MEIS1: variants seen among roughly 807,000 people sequenced by gnomAD.
The protein encoded by MEIS1 is homeobox protein Meis1.
Under a neutral mutation model 50.8 loss-of-function variants are expected in MEIS1, and 5 were observed. The ratio of observed to expected loss-of-function variants is 0.10; its 90% CI spans 0.05 to 0.21. The LOEUF (loss-of-function observed/expected upper bound fraction) is 0.21. MEIS1 is among the 10% of genes least tolerant of loss of function. The pLI, the probability that MEIS1 is intolerant of heterozygous loss-of-function variation, is 1.00. For synonymous variants in MEIS1, 176 were observed against 179.3 expected, an observed-to-expected ratio of 0.98 and a Z score of 0.15; for missense variants, 318 against 517.3, an observed-to-expected ratio of 0.61 and a Z score of 3.74.
chr2:66,522,074 A>C (rs1674136015), intron 8 of MEIS1, among the ~76,000 whole-genome samples: 1 of 152,228 alleles, frequency 6.6e-6, no homozygotes, highest in Non-Finnish European at 1.5e-5. Context: ...TTTAAAGGAA[A>C]ACGCCTAATA....
At chr2:66,468,255 C>A (rs1050359184) in intron 7 of MEIS1, among the ~76,000 whole-genome samples, 6 of 152,104 alleles carry the variant, frequency 3.9e-5, no homozygotes, top group African/African-American at 1.4e-4. Flanking sequence ...ACTCTAGGAA[C>A]TGTGTGTTTT....
intron 9 of MEIS1, among the ~76,000 whole-genome samples, chr2:66,559,307 C>G (rs1026378974): frequency 6.6e-6 from 1 of 152,212 alleles, no homozygotes; most frequent in Admixed American, 6.5e-5. Flanking sequence ...ATGCATCCCA[C>G]TTTCCTGGGA....
chr2:66,441,011 A>T (rs1671965717), intron 4 of MEIS1: 1 of 331,738 alleles, frequency 3.0e-6, no homozygotes, highest in Non-Finnish European at 5.4e-6. Context: ...GAAAGGTGTA[A>T]GGAAGGCAGC....
chr2:66,515,059 G>A (rs1039028474), intron 8 of MEIS1, among the ~76,000 whole-genome samples: 2 of 152,088 alleles, frequency 1.3e-5, no homozygotes, highest in Non-Finnish European at 2.9e-5. Flanking sequence ...AATTCATTAG[G>A]AAGACTGTAC....
chr2:66,528,285 G>A (rs866936326), intron 8 of MEIS1, among the ~76,000 whole-genome samples: 18 of 152,194 alleles, frequency 1.2e-4, no homozygotes, highest in African/African-American at 3.6e-4. Context: ...AAGGAGAGAC[G>A]AACAGACAGA....
At chr2:66,563,650 G>A (rs565909993) in intron 9 of MEIS1, among the ~76,000 whole-genome samples, 1 of 152,152 alleles carries the variant, frequency 6.6e-6, no homozygotes, top group Non-Finnish European at 1.5e-5. Context: ...AGGTCAAAGG[G>A]CATTTTAGAA....
intron 6 of MEIS1, among the ~76,000 whole-genome samples, chr2:66,456,868 C>G (rs753614834): frequency 1.6e-4 from 25 of 152,318 alleles, no homozygotes; most frequent in Admixed American, 2.6e-4. Context: ...GCAATTGCCT[C>G]TCTGCATTTT....
chr2:66,456,792 C>T (rs1259733161), intron 6 of MEIS1, among the ~76,000 whole-genome samples: 6 of 152,170 alleles, frequency 3.9e-5, no homozygotes, highest in Admixed American at 1.3e-4. Context: ...GGCCTCTCTG[C>T]CAAAGATGAG....
At chr2:66,557,418 A>G (rs767270890) in intron 9 of MEIS1, among the ~76,000 whole-genome samples, 1 of 152,122 alleles carries the variant, frequency 6.6e-6, no homozygotes, top group Non-Finnish European at 1.5e-5. Context: ...CCCTTTAGCT[A>G]TTGCCCCTCT....
chr2:66,477,530 G>C (rs775731829), intron 7 of MEIS1, among the ~76,000 whole-genome samples: 1 of 152,170 alleles, frequency 6.6e-6, no homozygotes, highest in Non-Finnish European at 1.5e-5. Context: ...AGGATGGCTT[G>C]CAGAAATCCT....
At chr2:66,475,089 C>T (rs938267183) in intron 7 of MEIS1, among the ~76,000 whole-genome samples, 2 of 149,304 alleles carry the variant, frequency 1.3e-5, no homozygotes, top group Non-Finnish European at 3.0e-5. Context: ...TACTTTAATA[C>T]CTTGGGAGAA....
intron 9 of MEIS1, among the ~76,000 whole-genome samples, chr2:66,564,861 A>C (rs189649039): frequency 1.3e-5 from 2 of 151,192 alleles, no homozygotes; most frequent in African/African-American, 2.4e-5. Context: ...TCCTAATGCT[A>C]TCCCTTCCCC....
At chr2:66,525,902 C>G (rs935334346) in intron 8 of MEIS1, among the ~76,000 whole-genome samples, 1 of 152,262 alleles carries the variant, frequency 6.6e-6, no homozygotes, top group Non-Finnish European at 1.5e-5. Flanking sequence ...TGCAGAGGCT[C>G]TGCAGATCAG....
At chr2:66,501,693 G>T (rs183688017) in intron 7 of MEIS1, among the ~76,000 whole-genome samples, 1 of 151,584 alleles carries the variant, frequency 6.6e-6, no homozygotes, top group Non-Finnish European at 1.5e-5. Flanking sequence ...ATTTCCTGGT[G>T]TATGTTGTAT....
Position 66,512,345 on chromosome 2 carries a change from GT to G in MEIS1, c.888+56del, listed in dbSNP as rs1173927631. ...TAAACTAAATATGGACAATGAACCAGTTTTTATACAAAAAAATGAGAAAAAA... is the reference window on the plus strand; with the variant it reads ...TAAACTAAATATGGACAATGAACCAGTTTTATACAAAAAAATGAGAAAAAA... On this transcript the variant is annotated intron_variant, in intron 8 of 12. Transcript: ENST00000272369. 41 of 1,534,464 alleles carry G rather than the reference GT, an allele frequency of 2.7e-5. No homozygotes were observed. The Admixed American group carries it at 8.2e-4, about 31-fold the overall frequency.
intron 7 of MEIS1, among the ~76,000 whole-genome samples, chr2:66,506,199 A>T (rs369017735): frequency 6.6e-6 from 1 of 152,132 alleles, no homozygotes; most frequent in African/African-American, 2.4e-5. Context: ...GAGTGTTAGG[A>T]TGGAGGAATG....
intron 8 of MEIS1, among the ~76,000 whole-genome samples, chr2:66,521,418 C>G (rs1303433532): frequency 6.7e-6 from 1 of 149,956 alleles, no homozygotes. Flanking sequence ...CTTTAATTTT[C>G]TTTATGGAGA....
chr2:66,439,263 G>A (rs898699461), intron 2 of MEIS1: 26 of 1,057,628 alleles, frequency 2.5e-5, no homozygotes, highest in African/African-American at 6.7e-5. Context: ...GCGTGGAGCT[G>A]AGGAGGAGCC....
At chr2:66,454,143 T>G (rs748841871) in intron 6 of MEIS1, among the ~76,000 whole-genome samples, 6 of 152,036 alleles carry the variant, frequency 3.9e-5, no homozygotes, top group Non-Finnish European at 5.9e-5. Context: ...TAAATAAAAG[T>G]GCATCTAAAA....
Sources: allele counts gnomAD v4.1 joint callset (sites outside exome capture counted in the v4.1 genomes callset), GRCh38; gene constraint gnomAD v4.1.1; transcripts MANE v1.5; gene names NCBI Gene and HGNC (gene_info 2026-07-23, HGNC 2026-07-21).